The following CADM2 variants were observed in gnomAD, a reference collection of about 807,000 sequenced individuals.
CADM2 encodes the protein cell adhesion molecule 2, also known as immunoglobulin superfamily member 4D.
In CADM2, 12 loss-of-function variants were observed where a neutral mutation model predicts 49.8. The ratio of observed to expected loss-of-function variants is 0.24; its 90% CI spans 0.15 to 0.39. The LOEUF is 0.39. Ranked by LOEUF, CADM2 falls within the 10% of genes least tolerant of loss-of-function variation. CADM2 has a pLI of 1.00. For missense variants in CADM2, 378 were observed against 492.3 expected (o/e 0.77, Z 2.20); for synonymous variants, 214 against 175.4 (o/e 1.22, Z -1.74).
chr3:85,115,199 T>C (rs1455016768), intron 1 of CADM2, among the ~76,000 whole-genome samples: 1 of 152,174 alleles, frequency 6.6e-6, no homozygotes. Context: ...CAAGGTCTGA[T>C]CTACCTTAAC....
chr3:85,130,208 G>C (rs768638285), intron 1 of CADM2, among the ~76,000 whole-genome samples: 10 of 152,056 alleles, frequency 6.6e-5, no homozygotes, highest in Non-Finnish European at 1.2e-4. Flanking sequence ...TTAGTGCCAC[G>C]TTCAGCATAG....
chr3:85,927,775 T>C (rs1720062251), intron 6 of CADM2, among the ~76,000 whole-genome samples: 1 of 152,152 alleles, frequency 6.6e-6, no homozygotes, highest in African/African-American at 2.4e-5. Flanking sequence ...TAAGTGTTGA[T>C]TTTATATAAC....
At chr3:85,460,743 T>G (rs2038208775) in intron 1 of CADM2, among the ~76,000 whole-genome samples, 1 of 151,870 alleles carries the variant, frequency 6.6e-6, no homozygotes, top group African/African-American at 2.4e-5. Context: ...GGTGTGTGTG[T>G]GTGTGTGTGT....
chr3:85,883,147 C>G, intron 3 of CADM2, 144 bp from the exon 4 acceptor site: 1 of 622,410 alleles, frequency 1.6e-6, no homozygotes, highest in Non-Finnish European at 2.5e-6. Flanking sequence ...TATATTTAAA[C>G]TTTCTTTTAA....
intron 8 of CADM2, among the ~76,000 whole-genome samples, chr3:85,968,468 T>C (rs182963582): frequency 1.3e-5 from 2 of 151,834 alleles, no homozygotes; most frequent in East Asian, 3.9e-4. Flanking sequence ...GTAAAAATTC[T>C]GTTGAGAGAT....
At chr3:86,014,060 T>C in intron 8 of CADM2, 1 of 1,317,570 alleles carries the variant, frequency 7.6e-7, no homozygotes, top group East Asian at 2.3e-5. Flanking sequence ...TTTCTGTTCT[T>C]TTTCACAACG....
At chr3:85,729,520 G>A (rs959712480) in intron 2 of CADM2, among the ~76,000 whole-genome samples, 3 of 152,072 alleles carry the variant, frequency 2.0e-5, no homozygotes, top group Admixed American at 2.0e-4. Flanking sequence ...AGTCAAGGAG[G>A]TAAGACAAAG....
In CADM2 at chr3:85,919,073, T is replaced by G. The variant is rs528049013; in HGVS notation, c.700+6530T>G. ...AACTAAAATATGTCAGACTATTGTG[T>G]GTTTTTCCTGAAAAAGCATTTTAAT... On this transcript the variant is annotated intron_variant, in intron 6 of 9. Coordinates refer to ENST00000383699, the MANE Select transcript of CADM2 (RefSeq NM_001167675.2). Among the ~76,000 whole-genome samples, 54 of 152,156 alleles carry G rather than the reference T, an allele frequency of 3.5e-4. No homozygotes were observed. The South Asian group carries it at 0.011, about 31-fold the overall frequency.
At chr3:85,289,280 C>A (rs1359490645) in intron 1 of CADM2, among the ~76,000 whole-genome samples, 1 of 152,144 alleles carries the variant, frequency 6.6e-6, no homozygotes, top group Non-Finnish European at 1.5e-5. Context: ...ACATAGACTG[C>A]ATTTTCTTTT....
intron 2 of CADM2, among the ~76,000 whole-genome samples, chr3:85,801,353 A>G (rs2072022603): frequency 6.6e-6 from 1 of 152,170 alleles, no homozygotes; most frequent in South Asian, 2.1e-4. Flanking sequence ...TAAAAGAAAT[A>G]TGTATTACTT....
chr3:85,858,188 G>A (rs1055990921), intron 3 of CADM2, among the ~76,000 whole-genome samples: 1 of 152,200 alleles, frequency 6.6e-6, no homozygotes, highest in Non-Finnish European at 1.5e-5. Flanking sequence ...ATTCTGATAA[G>A]TTGTGATAGC....
intron 1 of CADM2, among the ~76,000 whole-genome samples, chr3:85,549,943 T>G (rs780668007): frequency 3.3e-5 from 5 of 151,986 alleles, no homozygotes; most frequent in African/African-American, 7.2e-5. Context: ...TTTTTTTAAT[T>G]AAAAATGAGC....
intron 1 of CADM2, among the ~76,000 whole-genome samples, chr3:85,119,691 A>T (rs570955296): frequency 6.6e-6 from 1 of 152,242 alleles, no homozygotes; most frequent in Non-Finnish European, 1.5e-5. Context: ...AGTGGTTTGT[A>T]GTTCTCCTTG....
chr3:85,775,685 G>A (rs1436422218), intron 2 of CADM2, among the ~76,000 whole-genome samples: 1 of 151,726 alleles, frequency 6.6e-6, no homozygotes, highest in Non-Finnish European at 1.5e-5. Flanking sequence ...GTGCATTTCT[G>A]TTTTACAAGA....
At chr3:85,510,421 T>G (rs2106833724) in intron 1 of CADM2, among the ~76,000 whole-genome samples, 1 of 152,158 alleles carries the variant, frequency 6.6e-6, no homozygotes, top group African/African-American at 2.4e-5. Flanking sequence ...TTATGTAAAA[T>G]GAATTACATT....
intron 1 of CADM2, among the ~76,000 whole-genome samples, chr3:85,554,192 A>G (rs923440576): frequency 6.6e-6 from 1 of 152,126 alleles, no homozygotes; most frequent in African/African-American, 2.4e-5. Flanking sequence ...ATCATCAGGC[A>G]TTAGTTAGAT....
At chr3:85,297,934 G>A (rs2044006492) in intron 1 of CADM2, among the ~76,000 whole-genome samples, 2 of 151,980 alleles carry the variant, frequency 1.3e-5, no homozygotes, top group Non-Finnish European at 2.9e-5. Context: ...TTTGTTAGAT[G>A]CCTTGAAAGG....
intron 1 of CADM2, among the ~76,000 whole-genome samples, chr3:85,009,208 A>G (rs2033874310): frequency 6.6e-6 from 1 of 152,180 alleles, no homozygotes; most frequent in South Asian, 2.1e-4. Context: ...CTTGTCTGAT[A>G]TTTTAATTCC....
intron 1 of CADM2, among the ~76,000 whole-genome samples, chr3:85,363,123 C>G (rs1429984571): frequency 6.6e-6 from 1 of 152,158 alleles, no homozygotes; most frequent in African/African-American, 2.4e-5. Flanking sequence ...CAGCACTGCA[C>G]AGGAAGTAGA....
Sources: gnomAD v4.1 joint callset for allele counts (sites outside exome capture counted in the v4.1 genomes callset) on GRCh38, gnomAD v4.1.1 for gene constraint, MANE v1.5 for transcripts, NCBI Gene and HGNC (gene_info 2026-07-23, HGNC 2026-07-21) for gene names.